SLC9B1: variants seen among roughly 807,000 people sequenced by gnomAD.
The protein encoded by SLC9B1 is solute carrier family 9 member B1, also known as sodium/hydrogen exchanger 9B1.
A neutral mutation model predicts 51.7 loss-of-function variants in SLC9B1; 32 were observed. The ratio of observed to expected loss-of-function variants is 0.62; its 90% confidence interval spans 0.47 to 0.83. SLC9B1 has a LOEUF of 0.83. SLC9B1 is among the 40% of genes least tolerant of loss of function. The pLI, the probability that SLC9B1 is intolerant of heterozygous loss-of-function variation, is 0.00. For missense variants in SLC9B1, 406 were observed against 613.2 expected (o/e 0.66, Z 3.57); for synonymous variants, 145 against 212.7 (o/e 0.68, Z 2.77).
At chr4:102,887,672 A>G (rs1365329836) in intron 11 of SLC9B1, 1 of 329,878 alleles carries the variant, frequency 3.0e-6, no homozygotes, top group Non-Finnish European at 5.6e-6. Flanking sequence ...TTAATCTAGG[A>G]AAACCTAAAT....
chr4:102,933,376 A>G (rs1186986663), intron 6 of SLC9B1, among the ~76,000 whole-genome samples: 7 of 152,208 alleles, frequency 4.6e-5, no homozygotes. Flanking sequence ...CTGTGGGCTC[A>G]AGAAGAGACT....
chr4:102,889,570 TATCTC>T (rs1264459763), intron 11 of SLC9B1: 3 of 152,284 alleles, frequency 2.0e-5, no homozygotes, highest in Non-Finnish European at 2.9e-5. Flanking sequence ...GAAAATGAAT[TATCTC>T]ATAAAAGGTA....
intron 3 of SLC9B1, among the ~76,000 whole-genome samples, chr4:102,984,393 G>A (rs776063701): frequency 1.2e-4 from 19 of 152,152 alleles, no homozygotes; most frequent in Non-Finnish European, 2.5e-4. Flanking sequence ...TGGGATTACA[G>A]GTGTGAGCCA....
chr4:102,987,729 CT>C (rs1170940440), intron 3 of SLC9B1, among the ~76,000 whole-genome samples: 6 of 152,220 alleles, frequency 3.9e-5, no homozygotes, highest in Non-Finnish European at 7.4e-5. Flanking sequence ...AATTGGGGAC[CT>C]CCTCGACTTT....
downstream of SLC9B1, among the ~76,000 whole-genome samples, chr4:102,898,967 C>T (rs1283969730): frequency 6.6e-6 from 1 of 151,960 alleles, no homozygotes; most frequent in Non-Finnish European, 1.5e-5. Flanking sequence ...GGTCTCCCTC[C>T]CCTGACCTCA....
chr4:102,940,419 G>T (rs543938121), intron 6 of SLC9B1, among the ~76,000 whole-genome samples: 1 of 152,016 alleles, frequency 6.6e-6, no homozygotes, highest in Admixed American at 6.6e-5. Flanking sequence ...TGTTAAAATG[G>T]CCATACTGCC....
chr4:102,930,937 A>G (rs1188137998), intron 7 of SLC9B1, among the ~76,000 whole-genome samples: 1 of 152,074 alleles, frequency 6.6e-6, no homozygotes, highest in Non-Finnish European at 1.5e-5. Flanking sequence ...TTATAAGAAC[A>G]TATTAGGCCA....
chr4:102,963,662 A>G (rs986668935), intron 3 of SLC9B1, among the ~76,000 whole-genome samples: 2 of 152,308 alleles, frequency 1.3e-5, no homozygotes, highest in South Asian at 2.1e-4. Flanking sequence ...AGGAAAAAAA[A>G]TTTCAAAAAT....
chr4:103,001,260 TG>T (rs1321908094), intron 1 of SLC9B1, among the ~76,000 whole-genome samples: 1 of 152,226 alleles, frequency 6.6e-6, no homozygotes, highest in Non-Finnish European at 1.5e-5. Flanking sequence ...CTTCCAGACC[TG>T]TTATGGGAGG....
chr4:102,938,320 T>G (rs975367017), intron 6 of SLC9B1, among the ~76,000 whole-genome samples: 1 of 152,322 alleles, frequency 6.6e-6, no homozygotes. Context: ...ACAAGAAGAC[T>G]TAACTGTCTA....
chr4:102,995,447 C>T (rs567815993), intron 1 of SLC9B1, among the ~76,000 whole-genome samples: 6 of 152,004 alleles, frequency 3.9e-5, no homozygotes, highest in East Asian at 1.9e-4. Flanking sequence ...AGACATCAAG[C>T]GACTAGGCAG....
At chr4:102,900,064 T>A (rs1231406481), downstream of SLC9B1, among the ~76,000 whole-genome samples, 1 of 152,222 alleles carries the variant, frequency 6.6e-6, no homozygotes, top group Non-Finnish European at 1.5e-5. Context: ...GGCAAATTTA[T>A]GTGTAAATGT....
downstream of SLC9B1, among the ~76,000 whole-genome samples, chr4:102,898,885 GC>G (rs1216619563): frequency 2.0e-5 from 3 of 152,130 alleles, no homozygotes; most frequent in South Asian, 2.1e-4. Flanking sequence ...CTGCCACCAC[GC>G]CTGGCTAGTT....
chr4:102,894,621 T>A (rs937572310), intron 11 of SLC9B1, among the ~76,000 whole-genome samples: 3 of 152,066 alleles, frequency 2.0e-5, no homozygotes, highest in East Asian at 1.9e-4. Context: ...AGAAGATCTA[T>A]AAGAAAAAAA....
chr4:102,904,457 G>A (rs1434562774), intron 11 of SLC9B1, among the ~76,000 whole-genome samples: 3 of 102,934 alleles, frequency 2.9e-5, no homozygotes, highest in Admixed American at 1.9e-4. Flanking sequence ...ATATATTTTA[G>A]GAAAATAAAA....
chr4:102,971,259 G>A (rs1457868255), intron 3 of SLC9B1, among the ~76,000 whole-genome samples: 1 of 152,128 alleles, frequency 6.6e-6, no homozygotes, highest in Admixed American at 6.5e-5. Flanking sequence ...CTCAGCAAAT[G>A]TAAAAGAACA....
intron 7 of SLC9B1, among the ~76,000 whole-genome samples, chr4:102,928,613 CTG>C (rs1345122206): frequency 6.6e-6 from 1 of 152,160 alleles, no homozygotes; most frequent in Admixed American, 6.5e-5. Flanking sequence ...GTATCAAAAT[CTG>C]TATTAGTCAT....
At chr4:102,986,715 A>G (rs28781929) in intron 3 of SLC9B1, among the ~76,000 whole-genome samples, 238 of 152,190 alleles carry the variant, frequency 1.6e-3, no homozygotes, top group African/African-American at 5.6e-3. Context: ...CTACTGGCAT[A>G]TTCTCAAGCC....
chr4:102,949,443 G>A lies in SLC9B1; in HGVS notation c.212-16C>T. 1.3e-6 allele frequency: 2 copies of A among 1,551,658 alleles called. No homozygotes were observed. Among genetic ancestry groups the A allele is most frequent in the Non-Finnish European group, 1.7e-6 (2 of 1,155,732 alleles). On this transcript the variant is annotated splice_polypyrimidine_tract_variant and intron_variant, in intron 3 of 11. Coordinates refer to ENST00000296422, the MANE Select transcript of SLC9B1 (RefSeq NM_139173.4). ...AGTATAACTCCTGAAATACAAAAAA[G>A]TGTACAGCTATATATCTACATACAC...
Sources: gnomAD v4.1 joint callset for allele counts (sites outside exome capture counted in the v4.1 genomes callset) on GRCh38, gnomAD v4.1.1 for gene constraint, MANE v1.5 for transcripts, NCBI Gene and HGNC (gene_info 2026-07-23, HGNC 2026-07-21) for gene names.